Variants in LRRC7 observed in about 807,000 individuals in gnomAD.
LRRC7 encodes the protein leucine rich repeat containing 7.
A neutral mutation model predicts 175.7 loss-of-function variants in LRRC7; 23 were observed. The observed-to-expected ratio is 0.13, with a 90% CI of 0.09 to 0.19. LRRC7 has a LOEUF of 0.19. Ranked by LOEUF, LRRC7 falls within the 10% of genes least tolerant of loss-of-function variation. LRRC7 has a pLI of 1.00. For synonymous variants in LRRC7, 685 were observed against 680.9 expected (o/e 1.01, Z -0.09); for missense variants, 1,354 against 1,904.7 (o/e 0.71, Z 5.38).
At chr1:70,118,333 C>G (rs1665996096) in intron 26 of LRRC7, among the ~76,000 whole-genome samples, 1 of 150,064 alleles carries the variant, frequency 6.7e-6, no homozygotes. Context: ...TCTATTATCT[C>G]CTTCCACTCA....
intron 7 of LRRC7, among the ~76,000 whole-genome samples, chr1:69,886,808 G>A (rs1168902662): frequency 2.7e-5 from 4 of 150,824 alleles, no homozygotes; most frequent in South Asian, 2.1e-4. Flanking sequence ...TTTAGGGCAG[G>A]CCTGGTGGTG....
At chr1:69,911,729 G>A (rs892617745) in intron 7 of LRRC7, among the ~76,000 whole-genome samples, 1 of 152,146 alleles carries the variant, frequency 6.6e-6, no homozygotes, top group Non-Finnish European at 1.5e-5. Context: ...AAGTAAGAAA[G>A]GTAGTTGCAT....
rs1667098888 is a variant in LRRC7 at position 70,142,430 on chromosome 1, T to C, written c.*20543T>C. 6.6e-6 allele frequency: 1 copy of C among 152,152 alleles called. No homozygotes were observed. 9.4% of individuals were successfully genotyped at this position (152,152 alleles called of 1,614,324 possible). The stretch of plus-strand genomic sequence containing the variant: ...TCCTTGAAAACACAAGCCTATTTTC[T>C]GTTTGAAATGAAGAGAAAGGTAATT... On this transcript the variant is annotated 3_prime_UTR_variant, in exon 27 of 27. Transcript: ENST00000651989.
intron 25 of LRRC7, among the ~76,000 whole-genome samples, chr1:70,099,796 A>G (rs1664682541): frequency 1.3e-5 from 2 of 152,154 alleles, no homozygotes; most frequent in Non-Finnish European, 2.9e-5. Context: ...AGAAAAAGCC[A>G]TTAGGGACTC....
intron 26 of LRRC7, among the ~76,000 whole-genome samples, chr1:70,118,100 A>G (rs1665981848): frequency 6.6e-6 from 1 of 150,662 alleles, no homozygotes; most frequent in South Asian, 2.1e-4. Context: ...CACGCACACG[A>G]ACAAAAATGC....
intron 1 of LRRC7, among the ~76,000 whole-genome samples, chr1:69,676,007 GCACACACACACACACACA>G (rs57846147): frequency 6.8e-6 from 1 of 147,450 alleles, no homozygotes; most frequent in South Asian, 2.2e-4. Flanking sequence ...ATGAGTGCAT[GCACACACACACACACACA>G]CACACACACA....
chr1:69,778,330 A>G (rs1673050056), intron 3 of LRRC7, among the ~76,000 whole-genome samples: 1 of 152,208 alleles, frequency 6.6e-6, no homozygotes, highest in Non-Finnish European at 1.5e-5. Flanking sequence ...GAAAGACACT[A>G]ATGTGTGTCT....
intron 2 of LRRC7, among the ~76,000 whole-genome samples, chr1:69,698,710 C>G (rs917571548): frequency 1.3e-5 from 2 of 152,136 alleles, no homozygotes; most frequent in Non-Finnish European, 2.9e-5. Flanking sequence ...ATTTTCATTA[C>G]CTTCTGTGCA....
chr1:69,774,558 G>A (rs1468630510), intron 3 of LRRC7, among the ~76,000 whole-genome samples: 1 of 152,190 alleles, frequency 6.6e-6, no homozygotes, highest in Non-Finnish European at 1.5e-5. Flanking sequence ...ACAAAGAAAA[G>A]TGAGGTGATT....
At chr1:69,587,424 G>A (rs1646445762) in intron 1 of LRRC7, among the ~76,000 whole-genome samples, 1 of 152,052 alleles carries the variant, frequency 6.6e-6, no homozygotes, top group South Asian at 2.1e-4. Context: ...TCTCACCTCT[G>A]TGGGGTCCTC....
chr1:69,672,860 AG>A (rs1277505325), intron 1 of LRRC7, among the ~76,000 whole-genome samples: 11 of 152,298 alleles, frequency 7.2e-5, no homozygotes, highest in African/African-American at 2.4e-4. Context: ...ATCAACAGTG[AG>A]TTGATAATGT....
chr1:69,782,841 C>G (rs1053578690), intron 3 of LRRC7, among the ~76,000 whole-genome samples: 8 of 152,114 alleles, frequency 5.3e-5, no homozygotes, highest in Admixed American at 5.2e-4. Flanking sequence ...AGGTGGTTTG[C>G]AAGTTCCCTG....
intron 7 of LRRC7, among the ~76,000 whole-genome samples, chr1:69,863,816 C>G (rs1410440311): frequency 1.3e-5 from 2 of 152,132 alleles, no homozygotes; most frequent in Non-Finnish European, 2.9e-5. Flanking sequence ...TTTTCCAAAG[C>G]TAAAATGCAA....
intron 7 of LRRC7, among the ~76,000 whole-genome samples, chr1:69,921,334 TAC>T (rs1331778007): frequency 1.3e-5 from 2 of 151,744 alleles, no homozygotes; most frequent in Non-Finnish European, 2.9e-5. Flanking sequence ...GACACACACA[TAC>T]ACACACACAA....
chr1:70,050,674 T>G (rs1660678585), intron 22 of LRRC7, among the ~76,000 whole-genome samples: 1 of 152,174 alleles, frequency 6.6e-6, no homozygotes, highest in African/African-American at 2.4e-5. Context: ...TTAACATTTT[T>G]CAGTAGCTCC....
At chr1:69,885,420 T>G (rs1687080315) in intron 7 of LRRC7, among the ~76,000 whole-genome samples, 1 of 145,356 alleles carries the variant, frequency 6.9e-6, no homozygotes, top group Non-Finnish European at 1.5e-5. Context: ...GTTTGTAGTA[T>G]TCTCTGATGG....
Position 70,092,443 on chromosome 1 carries a change from C to T in LRRC7, c.4545+2624C>T, listed in dbSNP as rs77491373. On this transcript the variant is annotated intron_variant, in intron 25 of 26. Transcript: ENST00000651989. The stretch of plus-strand genomic sequence containing the variant: ...ATACACTATATTATTTTCCTTACTG[C>T]TCATGGATGTTTGAATGTTTTGCTG... Among the ~76,000 whole-genome samples, 638 of 152,270 alleles carry T rather than the reference C, an allele frequency of 4.2e-3. 5 individuals are homozygous for T. The highest frequency in any genetic ancestry group is 0.015 in the African/African-American group (604 of 41,558).
chr1:70,112,867 G>A (rs1005078853), intron 26 of LRRC7, among the ~76,000 whole-genome samples: 2 of 152,096 alleles, frequency 1.3e-5, no homozygotes, highest in African/African-American at 4.8e-5. Flanking sequence ...AGGGGTAAGA[G>A]GTTTATGCTA....
intron 1 of LRRC7, among the ~76,000 whole-genome samples, chr1:69,647,614 T>C (rs1655186592): frequency 6.6e-6 from 1 of 152,126 alleles, no homozygotes; most frequent in Non-Finnish European, 1.5e-5. Context: ...CTAAAGCCTA[T>C]AGGCCCCTTC....
Sources: gnomAD v4.1 joint callset for allele counts (sites outside exome capture counted in the v4.1 genomes callset) on GRCh38, gnomAD v4.1.1 for gene constraint, MANE v1.5 for transcripts, NCBI Gene and HGNC (gene_info 2026-07-23, HGNC 2026-07-21) for gene names.